Variants in GLS2 observed in about 807,000 individuals in gnomAD.
The protein encoded by GLS2 is glutaminase liver isoform, mitochondrial.
GLS2 carries 52 observed loss-of-function variants against 79.0 expected under a neutral mutation model. The observed-to-expected ratio is 0.66, with a 90% confidence interval of 0.53 to 0.83. The LOEUF (loss-of-function observed/expected upper bound fraction) is 0.83, where lower values mean the gene tolerates loss of function less well. GLS2 is among the 40% of genes least tolerant of loss of function. GLS2 has a pLI of 0.00. For synonymous variants in GLS2, 238 were observed against 280.8 expected, an observed-to-expected ratio of 0.85 and a Z score of 1.52; for missense variants, 561 against 764.8, an observed-to-expected ratio of 0.73 and a Z score of 3.14.
chr12:56,471,476 A>G lies in GLS2; in HGVS notation c.*11T>C, dbSNP rs200085507. 3.5e-4 allele frequency: 568 copies of G among 1,607,968 alleles called. No individual in the cohort carries two copies. In the Middle Eastern group the frequency reaches 3.5e-3, roughly 10 times the overall value. On this transcript the variant is annotated 3_prime_UTR_variant, in exon 18 of 18. Transcript: ENST00000311966. ...GCTTTTTCTTGAGCAGGGGCTGTCC[A>G]TGACCTGTGCTCATACCATGCTTTC...
In GLS2 at chr12:56,488,028, G is replaced by C. The variant is rs778149454; in HGVS notation, c.91C>G (p.Leu31Val). The C allele has an allele frequency of 8.1e-6, 13 of 1,595,334 alleles. No individual in the cohort carries two copies. The highest frequency in any genetic ancestry group is 1.1e-5 in the Non-Finnish European group (13 of 1,177,250). The change falls in exon 1 of 18, where the codon CTC becomes GTC. Residue 31 changes from leucine (L) to valine (V), a missense_variant. Physicochemically the swap from Leu to Val is conservative, Grantham distance 32 (BLOSUM62 1). Transcript: ENST00000311966. ...GGWGHPSRSP[L>V]LGGGVRHHLS... ...TGGTGCCGGACGCCCCCGCCAAGGA[G>C]GGGGCTCCGGCTCGGGTGACCCCAG...
In GLS2 at chr12:56,480,299, T is replaced by C. The variant is rs1870178166; in HGVS notation, c.271A>G (p.Lys91Glu). The change falls in exon 2 of 18, where the codon AAG (lysine) becomes GAG (glutamate). Residue 91 changes from lysine (K) to glutamate (E), a missense_variant. Coordinates refer to ENST00000311966, the MANE Select transcript of GLS2 (RefSeq NM_013267.4). Reference protein sequence around the residue: ...AEGQERIPIHKFTTALKATGL... With the variant: ...AEGQERIPIHEFTTALKATGL... ...AGAGGGCAACTTACAGTGGTGAACT[T>C]GTGGATAGGGATTCGTTCCTGTCCT... The C allele has an allele frequency of 6.2e-7, 1 of 1,613,880 alleles. No homozygotes were observed. Among genetic ancestry groups the C allele is most frequent in the Non-Finnish European group, 8.5e-7 (1 of 1,179,888 alleles).
At chr12:56,475,221 G>T in intron 9 of GLS2, 111 bp from the exon 10 acceptor site, 1 of 1,600,070 alleles carries the variant, frequency 6.2e-7, no homozygotes, top group Non-Finnish European at 8.5e-7. Context: ...CAAACTAAAT[G>T]AACCCCTTTA....
Position 56,473,457 on chromosome 12 carries a change from T to TC in GLS2, c.1356+5dup, listed in dbSNP as rs760805549. 3 of 1,609,972 alleles carry TC rather than the reference T, an allele frequency of 1.9e-6. No homozygotes were observed. The highest frequency in any genetic ancestry group is 2.7e-5 in the African/African-American group (2 of 74,748). ...AATAGTAAGTACTATATGCAAAGCA[T>TC]CTCACCTGGCAGAAGCTGGTCCCCC... is the stretch of plus-strand genomic sequence containing the variant. On this transcript the variant is annotated splice_donor_region_variant and intron_variant, in intron 13 of 17. Coordinates refer to ENST00000311966, the MANE Select transcript of GLS2 (RefSeq NM_013267.4).
rs1869238675 is a variant in GLS2, at chr12:56,471,311, T to C, written c.*176A>G. On this transcript the variant is annotated 3_prime_UTR_variant, in exon 18 of 18. Coordinates refer to ENST00000311966, the MANE Select transcript of GLS2 (RefSeq NM_013267.4). ...CTCTGAGGCCCTTCTCTGTACTCTG[T>C]CTGCTGAGGGAATGGGGTATTTTGA... 1.5e-6 allele frequency: 1 copy of C among 645,676 alleles called. No individual in the cohort carries two copies. The highest frequency in any genetic ancestry group is 2.6e-6 in the Non-Finnish European group (1 of 385,696). 40.0% of individuals were successfully genotyped at this position (645,676 alleles called of 1,614,324 possible). A position where few individuals can be genotyped will look rare whatever the true frequency, so the allele number is the denominator to read the frequency against.
Position 56,473,258 on chromosome 12 carries a change from T to C in GLS2, c.1419A>G (p.Leu473=), listed in dbSNP as rs1869476627. The change falls in exon 14 of 18, where the codon TTA becomes TTG. Residue 473 remains leucine, a synonymous_variant. Transcript: ENST00000311966. ...TTTCTGCCCCTTCACGCCGTGGGTC[T>C]AACTTCCGAGCACAGTGCCTCAGGT... is the stretch of plus-strand genomic sequence containing the variant. ...YDNLRHCARK[L]DPRREGAEIR... is the part of the protein sequence containing the mutation. The C allele has an allele frequency of 1.2e-6, 2 of 1,614,172 alleles. No individual in the cohort carries two copies. The highest frequency in any genetic ancestry group is 2.2e-5 in the East Asian group (1 of 44,890).
intron 1 of GLS2, among the ~76,000 whole-genome samples, chr12:56,481,334 T>C (rs1221492673): frequency 6.6e-6 from 1 of 150,958 alleles, no homozygotes; most frequent in Non-Finnish European, 1.5e-5. Context: ...GCCTCCTGAG[T>C]AGCTGGGATT....
At chr12:56,481,152 GTT>G (rs1360337986) in intron 1 of GLS2, among the ~76,000 whole-genome samples, 1 of 138,438 alleles carries the variant, frequency 7.2e-6, no homozygotes, top group African/African-American at 2.6e-5. Context: ...TTGAGACAGA[GTT>G]TTGCTCTTGT....
At chr12:56,485,268 T>C (rs1870592576) in intron 1 of GLS2, among the ~76,000 whole-genome samples, 1 of 152,178 alleles carries the variant, frequency 6.6e-6, no homozygotes, top group Non-Finnish European at 1.5e-5. Flanking sequence ...CTTATTTATT[T>C]ATTTTTGACA....
At position 56,474,825 on chromosome 12, in the gene GLS2, C is replaced by T; in HGVS notation, c.1047+21G>A. 1.9e-6 allele frequency: 3 copies of T among 1,613,788 alleles called. No individual in the cohort carries two copies. In the South Asian group the frequency reaches 3.3e-5, roughly 18 times the overall value. ...AGGACAGTCTGTCCTGTTCCCTCGG[C>T]CCTGAGCAGTGTTTTCTTACCTGGA... On this transcript the variant is annotated intron_variant, in intron 11 of 17. Coordinates refer to ENST00000311966, the MANE Select transcript of GLS2 (RefSeq NM_013267.4).
In GLS2 at chr12:56,480,311, T is replaced by A. The variant is rs1300509802; in HGVS notation, c.259A>T (p.Ile87Phe). The change falls in exon 2 of 18, where the codon ATC becomes TTC. Residue 87 changes from isoleucine to phenylalanine, a missense_variant. This residue lies in a region of GLS2 where 161 missense variants were observed against 167.8 expected (regional missense o/e 0.96). Coordinates refer to ENST00000311966, the MANE Select transcript of GLS2 (RefSeq NM_013267.4). The part of the protein sequence containing the change: ...FYTIAEGQER[I>F]PIHKFTTALK... ...ACAGTGGTGAACTTGTGGATAGGGATTCGTTCCTGTCCTTCAGCAATAGTG... is the reference window on the plus strand; with the variant it reads ...ACAGTGGTGAACTTGTGGATAGGGAATCGTTCCTGTCCTTCAGCAATAGTG... 2 of 1,614,142 alleles carry A rather than the reference T, an allele frequency of 1.2e-6. No homozygotes were observed. Among genetic ancestry groups the A allele is most frequent in the Non-Finnish European group, 1.7e-6 (2 of 1,179,992 alleles).
At chr12:56,475,498 A>G in intron 9 of GLS2, 126 bp downstream of exon 9, 4 of 955,080 alleles carry the variant, frequency 4.2e-6, no homozygotes, top group Non-Finnish European at 6.4e-6. Context: ...AGGAAGCTGG[A>G]GGGCCAAAGT....
chr12:56,481,644 A>G (rs1285549223), intron 1 of GLS2, among the ~76,000 whole-genome samples: 2 of 150,686 alleles, frequency 1.3e-5, no homozygotes, highest in East Asian at 4.0e-4. Flanking sequence ...TAATCCCAGC[A>G]CTTTGGGAGG....
chr12:56,477,516 C>T, intron 7 of GLS2, 144 bp downstream of exon 7: 3 of 748,526 alleles, frequency 4.0e-6, no homozygotes, highest in Non-Finnish European at 6.8e-6. Flanking sequence ...ATGTGGGTCC[C>T]TGCTGTGCCT....
intron 14 of GLS2, 122 bp downstream of exon 14, chr12:56,473,106 G>A (rs1348268045): frequency 2.8e-5 from 24 of 866,096 alleles, no homozygotes; most frequent in Non-Finnish European, 4.2e-5. Flanking sequence ...AGCCAGGATG[G>A]TCTTGATCTC....
rs778659815 is a variant in GLS2, at chr12:56,475,127, A to G, written c.930-17T>C. The stretch of plus-strand genomic sequence containing the variant: ...GACTGGAATCTGAAGCAAACACCCA[A>G]TTTAGTACTTGAAGTTGGAGGAGTG... On this transcript the variant is annotated splice_polypyrimidine_tract_variant and intron_variant, in intron 9 of 17. Transcript: ENST00000311966. The G allele has an allele frequency of 1.1e-5, 17 of 1,613,714 alleles. No individual in the cohort carries two copies. In the East Asian group the frequency reaches 2.9e-4, roughly 27 times the overall value.
chr12:56,482,179 C>T (rs961538858), intron 1 of GLS2, among the ~76,000 whole-genome samples: 3 of 151,848 alleles, frequency 2.0e-5, no homozygotes, highest in Admixed American at 6.6e-5. Context: ...TATAGTCAGT[C>T]GAGATTGTGC....
intron 8 of GLS2, 87 bp downstream of exon 8, chr12:56,475,858 G>A: frequency 6.8e-7 from 1 of 1,473,182 alleles, no homozygotes. Context: ...GCACCTGGTA[G>A]TGGGGTTAGA....
chr12:56,488,089 G>A lies in GLS2; in HGVS notation c.30C>T (p.Ala10=). 1.3e-6 allele frequency: 2 copies of A among 1,566,574 alleles called. No individual in the cohort carries two copies. The highest frequency in any genetic ancestry group is 1.7e-6 in the Non-Finnish European group (2 of 1,163,062). Residue 10 remains alanine (A), a synonymous_variant, in exon 1 of 18, where the codon GCC becomes GCT. Coordinates refer to ENST00000311966, the MANE Select transcript of GLS2 (RefSeq NM_013267.4). The part of the protein sequence containing the change: MRSMKALQK[A]LSRAGSHCGR... ...CGCAGTGACTGCCAGCCCGGCTCAG[G>A]GCCTTCTGCAGAGCCTTCATGGAGC...
Sources: allele counts gnomAD v4.1 joint callset (sites outside exome capture counted in the v4.1 genomes callset), GRCh38; gene constraint gnomAD v4.1.1; regional missense constraint gnomAD v4.1.1; transcripts MANE v1.5; gene names NCBI Gene and HGNC (gene_info 2026-07-23, HGNC 2026-07-21).